The following WRNIP1 variants were observed in gnomAD, a reference collection of about 807,000 sequenced individuals.
WRNIP1 encodes the protein WRN helicase interacting protein 1.
A neutral mutation model predicts 56.1 loss-of-function variants in WRNIP1; 41 were observed. That is an observed-to-expected ratio of 0.73 (90% CI 0.57 to 0.95). The LOEUF (loss-of-function observed/expected upper bound fraction) is 0.95, where lower values mean the gene tolerates loss of function less well. Ranked by LOEUF, WRNIP1 falls within the 40% of genes least tolerant of loss-of-function variation. The probability of loss-of-function intolerance (pLI) is 0.00; values close to 1 mark genes in which losing one functional copy is unlikely to be tolerated. For synonymous variants in WRNIP1, 547 were observed against 398.1 expected, an observed-to-expected ratio of 1.37 and a Z score of -4.45; for missense variants, 1,170 against 939.4, an observed-to-expected ratio of 1.25 and a Z score of -3.21.
chr6:2,779,536 A>AGT, intron 4 of WRNIP1, 44 bp downstream of exon 4: 1 of 1,571,856 alleles, frequency 6.4e-7, no homozygotes, highest in African/African-American at 1.4e-5. Context: ...TACGGAAAGA[A>AGT]GTGTGTGCAC....
intron 1 of WRNIP1, 72 bp downstream of exon 1, chr6:2,766,516 G>C (rs1186606649): frequency 1.4e-6 from 2 of 1,432,968 alleles, no homozygotes; most frequent in South Asian, 1.5e-5. Flanking sequence ...TCGGAGAGCC[G>C]GGTGTGCTGC....
chr6:2,773,187 A>T (rs184134246), intron 3 of WRNIP1: 531 of 982,846 alleles, frequency 5.4e-4, no homozygotes, highest in African/African-American at 3.7e-3. Context: ...TTCTTTTTTT[A>T]AAAAAAAATT....
chr6:2,771,062 T>G (rs1271565842), intron 3 of WRNIP1, among the ~76,000 whole-genome samples: 1 of 152,192 alleles, frequency 6.6e-6, no homozygotes, highest in Admixed American at 6.5e-5. Flanking sequence ...TTAGAACATA[T>G]TCTTCAGATG....
In WRNIP1 at chr6:2,766,321, T is replaced by C. The variant is rs1764981857; in HGVS notation, c.699T>C (p.Pro233=). The C allele has an allele frequency of 6.2e-7, 1 of 1,610,580 alleles. No homozygotes were observed. The highest frequency in any genetic ancestry group is 8.5e-7 in the Non-Finnish European group (1 of 1,179,032). The change falls in exon 1 of 7, where the codon CCT becomes CCC. Residue 233 remains proline, a synonymous_variant. Transcript: ENST00000380773. ...AGCCGCTGGCCGACACGATGCGTCC[T>C]GACACGCTGCAGGATTACTTCGGGC... ...QGKPLADTMR[P]DTLQDYFGQS... is the part of the protein sequence containing the mutation.
intron 3 of WRNIP1, chr6:2,774,334 C>G: frequency 1.1e-6 from 1 of 952,266 alleles, no homozygotes; most frequent in Non-Finnish European, 1.3e-6. Flanking sequence ...AGAGCTTTAT[C>G]CTCACAGTTC....
chr6:2,766,448 A>C lies in WRNIP1; in HGVS notation c.822+4A>C, dbSNP rs773923632. On this transcript the variant is annotated splice_donor_region_variant and intron_variant, in intron 1 of 6. Transcript: ENST00000380773. The stretch of plus-strand genomic sequence containing the variant: ...GGGGCCGCCGGGCTGCGGCAAGGTG[A>C]GTGCGGCCTTGGCCGTTGGGCTTCC... The C allele has an allele frequency of 3.3e-6, 5 of 1,527,452 alleles. No homozygotes were observed. The South Asian group carries it at 6.2e-5, about 19-fold the overall frequency. 94.6% of individuals were successfully genotyped at this position (1,527,452 alleles called of 1,614,324 possible).
chr6:2,772,915 A>G (rs1765341101), intron 3 of WRNIP1: 1 of 953,504 alleles, frequency 1.0e-6, no homozygotes, highest in Non-Finnish European at 1.2e-6. Flanking sequence ...TTCCAACCCC[A>G]TATACTTACT....
intron 3 of WRNIP1, 117 bp from the exon 4 acceptor site, chr6:2,779,146 G>A (rs1248371593): frequency 1.9e-6 from 2 of 1,048,134 alleles, no homozygotes; most frequent in East Asian, 2.5e-5. Flanking sequence ...GAGAATAAGA[G>A]GCAAAGGCCT....
At chr6:2,784,524 G>A (rs1007835549) in intron 6 of WRNIP1, 121 bp downstream of exon 6, 1 of 1,006,054 alleles carries the variant, frequency 9.9e-7, no homozygotes, top group Non-Finnish European at 1.5e-6. Context: ...TGAGTATGCT[G>A]CTTGGCTTTG....
intron 3 of WRNIP1, among the ~76,000 whole-genome samples, chr6:2,778,026 T>C (rs577571694): frequency 5.4e-4 from 82 of 152,172 alleles, no homozygotes; most frequent in Non-Finnish European, 8.1e-4. Flanking sequence ...TGAGGCATCT[T>C]TAAGGCATTG....
chr6:2,776,739 A>G (rs1581139160), intron 3 of WRNIP1, among the ~76,000 whole-genome samples: 1 of 152,188 alleles, frequency 6.6e-6, no homozygotes, highest in Non-Finnish European at 1.5e-5. Context: ...GGCAGTTTAT[A>G]CTAGTAAATA....
intron 4 of WRNIP1, among the ~76,000 whole-genome samples, chr6:2,781,401 A>G (rs1409081927): frequency 6.6e-6 from 1 of 152,248 alleles, no homozygotes; most frequent in African/African-American, 2.4e-5. Context: ...GGATCCGCAG[A>G]CACATAAATA....
intron 4 of WRNIP1, among the ~76,000 whole-genome samples, chr6:2,780,385 C>T (rs919031877): frequency 2.0e-5 from 3 of 152,214 alleles, no homozygotes; most frequent in Non-Finnish European, 4.4e-5. Context: ...GTTCCAAGCG[C>T]TGCCTCTTCG....
Position 2,784,710 on chromosome 6 carries a change from C to T in WRNIP1, c.1723-297C>T, listed in dbSNP as rs145293731. 2.2e-4 allele frequency among the ~76,000 whole-genome samples: 34 copies of T among 152,148 alleles called. 1 individual carries two copies. The East Asian group carries it at 6.6e-3, about 29-fold the overall frequency. The stretch of plus-strand genomic sequence containing the variant: ...AGCCTCTGCAAGTTCGCCCCCAGAG[C>T]AGCTTCATATTCATCTCTTTTATAT... On this transcript the variant is annotated intron_variant, in intron 6 of 6. Transcript: ENST00000380773.
At chr6:2,777,327 A>AATAGGGAT (rs1323671930) in intron 3 of WRNIP1, among the ~76,000 whole-genome samples, 1 of 140,358 alleles carries the variant, frequency 7.1e-6, no homozygotes, top group Non-Finnish European at 1.6e-5. Context: ...TGCTCCGCAT[A>AATAGGGAT]GTAGGGATGA....
rs1481632550 is a variant in WRNIP1 at position 2,779,410 on chromosome 6, C to T, written c.1404C>T (p.Ser468=). ...RKMFCKKSGQ[S]YSPSRVLITE... is the part of the protein sequence containing the mutation. ...TGTTCTGTAAGAAGAGTGGGCAATC[C>T]TATTCTCCCAGTAGAGTTCTGATCA... The change falls in exon 4 of 7, where the codon TCC becomes TCT. Residue 468 remains serine, a synonymous_variant. Coordinates refer to ENST00000380773, the MANE Select transcript of WRNIP1 (RefSeq NM_020135.3). 6.2e-7 allele frequency: 1 copy of T among 1,614,210 alleles called. No individual in the cohort carries two copies. The highest frequency in any genetic ancestry group is 1.1e-5 in the South Asian group (1 of 91,090).
At position 2,785,189 on chromosome 6, in the gene WRNIP1, C is replaced by T. The variant is rs374673882; in HGVS notation, c.1905C>T (p.Tyr635=). ...LMKDLGYGKG[Y]KYNPMYSEPV... ...AGGATTTGGGCTATGGCAAAGGCTA[C>T]AAGTACAACCCCATGTACAGCGAGC... is the stretch of plus-strand genomic sequence containing the variant. The change falls in exon 7 of 7, where the codon TAC becomes TAT. Residue 635 remains tyrosine (Y), a synonymous_variant. Transcript: ENST00000380773. The T allele has an allele frequency of 2.9e-5, 47 of 1,614,172 alleles. No homozygotes were observed. In the African/African-American group the frequency reaches 4.8e-4, roughly 16 times the overall value.
chr6:2,770,465 G>C (rs1765232802), intron 3 of WRNIP1, 104 bp downstream of exon 3: 1 of 1,464,008 alleles, frequency 6.8e-7, no homozygotes, highest in Non-Finnish European at 9.1e-7. Flanking sequence ...GGTGGGGACA[G>C]AGAAGAAATG....
In WRNIP1 at chr6:2,779,340, A is replaced by G. The variant is rs750561664; in HGVS notation, c.1334A>G (p.Asn445Ser). 3 of 1,614,196 alleles carry G rather than the reference A, an allele frequency of 1.9e-6. No individual in the cohort carries two copies. The highest frequency in any genetic ancestry group is 1.7e-5 in the Admixed American group (1 of 60,026). ...LSDGDARAGL[N>S]GLQLAVLARL... is the part of the protein sequence containing the mutation. ...GACGGTGACGCCCGAGCTGGGTTGA[A>G]CGGACTGCAGCTGGCGGTGCTGGCT... is the stretch of plus-strand genomic sequence containing the variant. The change falls in exon 4 of 7, where the codon AAC becomes AGC. Residue 445 changes from asparagine to serine, a missense_variant. Coordinates refer to ENST00000380773, the MANE Select transcript of WRNIP1 (RefSeq NM_020135.3).
Sources: allele counts gnomAD v4.1 joint callset (sites outside exome capture counted in the v4.1 genomes callset), GRCh38; gene constraint gnomAD v4.1.1; transcripts MANE v1.5; gene names NCBI Gene and HGNC (gene_info 2026-07-23, HGNC 2026-07-21).